The following MATK variants were observed in gnomAD, a reference collection of about 807,000 sequenced individuals.
MATK encodes the protein megakaryocyte-associated tyrosine kinase, also known as megakaryocyte-associated tyrosine-protein kinase.
MATK carries 41 observed loss-of-function variants against 59.8 expected under a neutral mutation model. That is an observed-to-expected ratio of 0.69 (90% CI 0.53 to 0.89). The LOEUF is 0.89. MATK is among the 40% of genes least tolerant of loss of function. The pLI, the probability that MATK is intolerant of heterozygous loss-of-function variation, is 0.00. For missense variants in MATK, 593 were observed against 719.6 expected, an observed-to-expected ratio of 0.82 and a Z score of 2.01; for synonymous variants, 308 against 306.1, an observed-to-expected ratio of 1.01 and a Z score of -0.06.
intron 1 of MATK, among the ~76,000 whole-genome samples, chr19:3,792,654 C>G (rs1014882719): frequency 2.0e-5 from 3 of 151,718 alleles, no homozygotes; most frequent in African/African-American, 4.8e-5. Context: ...GGTGGTATTA[C>G]AGGTACCTGC....
rs574174743 is a variant in MATK, at chr19:3,783,380, G to A, written c.583-161C>T. ...GAAAGGAGGCAAGCCAAAAGGAGGGGGAGTCCTCTGGATTGGTATCAACTT... is the reference window on the plus strand; with the variant it reads ...GAAAGGAGGCAAGCCAAAAGGAGGGAGAGTCCTCTGGATTGGTATCAACTT... On this transcript the variant is annotated intron_variant, in intron 6 of 13. Coordinates refer to ENST00000310132, the MANE Select transcript of MATK (RefSeq NM_139355.3). The A allele has an allele frequency of 7.7e-6, 5 of 646,774 alleles. No individual in the cohort carries two copies. The Admixed American group carries it at 1.1e-4, about 15-fold the overall frequency. The allele number at this position is 646,774 out of a possible 1,614,324, so 40.1% of individuals were successfully genotyped here.
intron 6 of MATK, 38 bp downstream of exon 6, chr19:3,783,776 C>T (rs2037434949): frequency 8.8e-6 from 14 of 1,589,426 alleles, no homozygotes; most frequent in Non-Finnish European, 9.5e-6. Flanking sequence ...TGGGCTGCCC[C>T]ACTGCAGGGA....
rs370680588 is a variant in MATK at position 3,778,216 on chromosome 19, G to A, written c.1491C>T (p.Asp497=). 1.8e-5 allele frequency: 29 copies of A among 1,569,730 alleles called. No individual in the cohort carries two copies. The highest frequency in any genetic ancestry group is 1.7e-4 in the Middle Eastern group (1 of 5,926). ...CCTGGCTTCGGGGCGAGGTGGAGCC[G>A]TCGGCGTCCTGCCCTGAGACGGAGG... ...APASVSGQDA[D]GSTSPRSQEP Residue 497 remains aspartate, a synonymous_variant, in exon 14 of 14, where the codon GAC becomes GAT. Coordinates refer to ENST00000310132, the MANE Select transcript of MATK (RefSeq NM_139355.3).
intron 7 of MATK, 27 bp downstream of exon 7, chr19:3,783,099 G>A: frequency 6.2e-7 from 1 of 1,610,028 alleles, no homozygotes; most frequent in Non-Finnish European, 8.5e-7. Context: ...GTAGGGAAGG[G>A]GGTCTGCCCT....
In MATK at chr19:3,778,980, G is replaced by T; in HGVS notation, c.1197+12C>A. On this transcript the variant is annotated intron_variant, in intron 12 of 13. Coordinates refer to ENST00000310132, the MANE Select transcript of MATK (RefSeq NM_139355.3). ...CCCCAAAGCCCCAGGGGTATGTGAA[G>T]GCAGGGCTCACCCCGTGTTTGAGAG... 2.0e-6 allele frequency: 3 copies of T among 1,537,122 alleles called. No homozygotes were observed. The highest frequency in any genetic ancestry group is 2.6e-6 in the Non-Finnish European group (3 of 1,147,270).
chr19:3,789,487 A>C, upstream of MATK: 2 of 555,988 alleles, frequency 3.6e-6, no homozygotes, highest in Non-Finnish European at 3.3e-6. Context: ...AAGAAATAAT[A>C]AGGGGAACCA....
rs764024301 is a variant in MATK, at chr19:3,779,456, T to C, written c.928-5A>G. 19 of 1,613,082 alleles carry C rather than the reference T, an allele frequency of 1.2e-5. No individual in the cohort carries two copies. In the South Asian group the frequency reaches 2.1e-4, roughly 18 times the overall value. On this transcript the variant is annotated splice_region_variant and splice_polypyrimidine_tract_variant and intron_variant, in intron 10 of 13. Transcript: ENST00000310132. ...CAGAAAGTTCACCAGGTTGCCCTGT[T>C]GGGGGTGGGAGATGGCCGCGGGATG...
intron 7 of MATK, chr19:3,782,875 C>T (rs746357169): frequency 3.4e-5 from 17 of 501,436 alleles, no homozygotes; most frequent in Middle Eastern, 5.4e-4. Flanking sequence ...GGTGGAGGTT[C>T]GGGGCCAGGT....
At position 3,783,928 on chromosome 19, in the gene MATK, G is replaced by A. The variant is rs769612489; in HGVS notation, c.468C>T (p.Tyr156=). Residue 156 remains tyrosine, a synonymous_variant, in exon 6 of 14, where the codon TAC becomes TAT. Transcript: ENST00000310132. Reference sequence around the variant, plus strand: ...CGCGGCCAAAGCTCACGCACAGGACGTAGTCGCCGGGGTGGCGCGCGGACT... The same window carrying A: ...CGCGGCCAAAGCTCACGCACAGGACATAGTCGCCGGGGTGGCGCGCGGACT... ...VRESARHPGD[Y]VLCVSFGRDV... 5.3e-5 allele frequency: 86 copies of A among 1,612,692 alleles called. No homozygotes were observed. The highest frequency in any genetic ancestry group is 7.1e-5 in the Non-Finnish European group (84 of 1,179,854).
Position 3,784,465 on chromosome 19 carries a change from C to A in MATK, c.133-14G>T, listed in dbSNP as rs780638869. On this transcript the variant is annotated splice_polypyrimidine_tract_variant and intron_variant, in intron 3 of 13. Transcript: ENST00000310132. ...GGCCCAGCGCCTCTGCAGAGGGGGC[C>A]GGGAGAGGGGCAAAGGGAGGACATC... The A allele has an allele frequency of 1.3e-6, 2 of 1,568,254 alleles. No individual in the cohort carries two copies. The highest frequency in any genetic ancestry group is 3.6e-5 in the Admixed American group (2 of 56,124).
At position 3,784,343 on chromosome 19, in the gene MATK, A is replaced by G; in HGVS notation, c.241T>C (p.Cys81Arg). Residue 81 changes from cysteine to arginine, a missense_variant, in exon 4 of 14, where the codon TGC (cysteine) becomes CGC (arginine). Transcript: ENST00000310132. ...KGDVVTILEA[C>R]ENKSWYRVKH... ...ACCCGCCGGCCACCTCTCACCTCGC[A>G]GGCCTCCAGGATGGTGACCACGTCG... is the stretch of plus-strand genomic sequence containing the variant. The G allele has an allele frequency of 6.2e-7, 1 of 1,604,572 alleles. No individual in the cohort carries two copies. The highest frequency in any genetic ancestry group is 1.1e-5 in the South Asian group (1 of 90,390).
intron 1 of MATK, among the ~76,000 whole-genome samples, chr19:3,792,569 A>G (rs2037553557): frequency 7.5e-6 from 1 of 132,898 alleles, no homozygotes; most frequent in Admixed American, 9.1e-5. Context: ...GCTGGAGTGC[A>G]GTGGTGCGAT....
chr19:3,799,305 T>A (rs1175770498), intron 1 of MATK, among the ~76,000 whole-genome samples: 1 of 152,090 alleles, frequency 6.6e-6, no homozygotes, highest in African/African-American at 2.4e-5. Flanking sequence ...GTCCCCACAC[T>A]CCATAGCTGA....
At chr19:3,786,485 CG>C, upstream of MATK, 2 of 762,928 alleles carry the variant, frequency 2.6e-6, no homozygotes, top group Non-Finnish European at 3.2e-6. The surrounding 1 kb of genome is among the most constrained non-coding windows in gnomAD (Gnocchi z 4.1). Flanking sequence ...GGGGCGCACG[CG>C]GGCTCCACGC....
upstream of MATK, among the ~76,000 whole-genome samples, chr19:3,790,570 T>C (rs1425642542): frequency 2.0e-5 from 3 of 152,180 alleles, no homozygotes; most frequent in Non-Finnish European, 4.4e-5. Context: ...CCAGGGCTCT[T>C]CATGTTTGGC....
chr19:3,797,956 C>T (rs886262713), intron 1 of MATK, among the ~76,000 whole-genome samples: 1 of 152,118 alleles, frequency 6.6e-6, no homozygotes, highest in Admixed American at 6.6e-5. Flanking sequence ...GGAGGAGAAT[C>T]GCTTGAACCT....
rs567297073 is a variant in MATK, at chr19:3,801,691, T to C, written c.-217A>G. The C allele has an allele frequency of 4.4e-3, 667 of 152,406 alleles. 3 individuals carry two copies. The highest frequency in any genetic ancestry group is 8.4e-3 in the Admixed American group (128 of 15,296). The allele number at this position is 152,406 out of a possible 1,614,324, so 9.4% of individuals were successfully genotyped here. ...GCCTGCTCCGGGAACCGCGGCCTGG[T>C]GGGACGAGGGTTGCGGAGGACGGGT... On this transcript the variant is annotated 5_prime_UTR_variant, in exon 1 of 14. Coordinates refer to the MATK transcript ENST00000395045.
rs770413294 is a variant in MATK, at chr19:3,779,761, GCCA to G, written c.776_778del (p.Val259del). On this transcript the variant is annotated inframe_deletion, in exon 9 of 14. Coordinates refer to ENST00000310132, the MANE Select transcript of MATK (RefSeq NM_139355.3). ...CACATCACACTTGATATTCTTCACG[GCCA>G]CCTTTTGCCCCAGGTACTCACCCTG... The G allele has an allele frequency of 6.2e-7, 1 of 1,613,000 alleles. No individual in the cohort carries two copies. Among genetic ancestry groups the G allele is most frequent in the Admixed American group, 1.7e-5 (1 of 60,016 alleles).
chr19:3,788,110 ATAT>A (rs917529242), upstream of MATK, among the ~76,000 whole-genome samples: 2 of 135,840 alleles, frequency 1.5e-5, no homozygotes, highest in African/African-American at 5.4e-5. Context: ...ATATTATATT[ATAT>A]TATATTATAT....
Sources: allele counts gnomAD v4.1 joint callset (sites outside exome capture counted in the v4.1 genomes callset), GRCh38; gene constraint gnomAD v4.1.1; non-coding constraint Gnocchi (gnomAD v3.1); transcripts MANE v1.5; gene names NCBI Gene and HGNC (gene_info 2026-07-23, HGNC 2026-07-21).